The following PLAGL1 variants were observed in gnomAD, a reference collection of about 807,000 sequenced individuals.
The protein encoded by PLAGL1 is zinc finger protein PLAGL1.
A neutral mutation model predicts 4.6 loss-of-function variants in PLAGL1; 1 was observed. The observed-to-expected ratio is 0.22, with a 90% CI of 0.08 to 1.03. The LOEUF (loss-of-function observed/expected upper bound fraction) is 1.03, where lower values mean the gene tolerates loss of function less well. Among genes scored for constraint, PLAGL1 ranks in the 50% least tolerant of loss-of-function variants. The probability of loss-of-function intolerance (pLI) is 0.58; values close to 1 mark genes in which losing one functional copy is unlikely to be tolerated. For missense variants in PLAGL1, 464 were observed against 570.4 expected (o/e 0.81, Z 1.90); for synonymous variants, 240 against 237.8 (o/e 1.01, Z -0.08).
chr6:143,966,205 C>G lies in PLAGL1; in HGVS notation c.-471-7G>C, dbSNP rs554648181. On this transcript the variant is annotated splice_polypyrimidine_tract_variant and splice_region_variant and intron_variant, in intron 3 of 7. Transcript: ENST00000674357. This position sits in a 1 kb window ranked among gnomAD's most constrained non-coding sequence, Gnocchi z 6.0. ...CCCATTAGGTTTCTGTCGACTGCAA[C>G]GAAAAGTCTTGTCTAATCAGAACCA... 6.6e-6 allele frequency: 1 copy of G among 152,108 alleles called. No individual in the cohort carries two copies. The highest frequency in any genetic ancestry group is 1.9e-4 in the East Asian group (1 of 5,198). The allele number at this position is 152,108 out of a possible 1,614,324, so 9.4% of individuals were successfully genotyped here. A position where few individuals can be genotyped will look rare whatever the true frequency, so the allele number is the denominator to read the frequency against.
At position 143,959,144 on chromosome 6, in the gene PLAGL1, G is replaced by C. The variant is rs574998817; in HGVS notation, c.-325+1325C>G. ...TCACAATAAGCCTCAATTTCCCACC[G>C]CTGCCTGCTCGCAGCTCCTCCCCAG... On this transcript the variant is annotated intron_variant, in intron 6 of 7. Coordinates refer to ENST00000674357, the MANE Select transcript of PLAGL1 (RefSeq NM_001317162.2). This position sits in a 1 kb window ranked among gnomAD's most constrained non-coding sequence, Gnocchi z 5.3. Among the ~76,000 whole-genome samples the C allele has an allele frequency of 6.6e-6, 1 of 152,216 alleles. No homozygotes were observed. The highest frequency in any genetic ancestry group is 2.1e-4 in the South Asian group (1 of 4,814).
intron 3 of PLAGL1, chr6:143,967,634 T>G (rs956261252): frequency 6.6e-6 from 1 of 152,200 alleles, no homozygotes; most frequent in South Asian, 2.1e-4. Flanking sequence ...CATGAACTAG[T>G]CCTACAGGTG....
chr6:144,054,803 G>GTGTGTGTGTC (rs1435340068), intron 1 of PLAGL1, among the ~76,000 whole-genome samples: 2 of 151,676 alleles, frequency 1.3e-5, no homozygotes. Flanking sequence ...GTGTGTGTGT[G>GTGTGTGTGTC]TGTGTGTGTG....
At chr6:144,033,474 G>A (rs1038945691) in intron 1 of PLAGL1, among the ~76,000 whole-genome samples, 1 of 152,196 alleles carries the variant, frequency 6.6e-6, no homozygotes, top group Admixed American at 6.5e-5. Context: ...AAACATGATG[G>A]AAAAACCTAG....
chr6:144,029,522 G>T (rs1219181531), intron 1 of PLAGL1, among the ~76,000 whole-genome samples: 2 of 152,218 alleles, frequency 1.3e-5, no homozygotes, highest in Non-Finnish European at 2.9e-5. Context: ...GTGAAGAATA[G>T]AGAGCTAGCT....
intron 1 of PLAGL1, among the ~76,000 whole-genome samples, chr6:144,003,352 C>T (rs1793351780): frequency 6.6e-6 from 1 of 152,068 alleles, no homozygotes; most frequent in Non-Finnish European, 1.5e-5. Flanking sequence ...GGGCTGGGCG[C>T]GGTGGCTCAC....
At position 143,962,749 on chromosome 6, in the gene PLAGL1, C is replaced by T. The variant is rs1583231335; in HGVS notation, c.-399+2038G>A. ...CCAGTTTCAGCTCATTCACTTCTAG[C>T]GACTCCTGGTTTTACTTAAGCAAAT... On this transcript the variant is annotated intron_variant, in intron 5 of 7. Transcript: ENST00000674357. This position sits in a 1 kb window ranked among gnomAD's most constrained non-coding sequence, Gnocchi z 5.3. 6.6e-6 allele frequency among the ~76,000 whole-genome samples: 1 copy of T among 152,170 alleles called. No individual in the cohort carries two copies. The highest frequency in any genetic ancestry group is 1.5e-5 in the Non-Finnish European group (1 of 68,022).
At chr6:143,993,063 C>T (rs1024175319) in intron 1 of PLAGL1, among the ~76,000 whole-genome samples, 4 of 151,290 alleles carry the variant, frequency 2.6e-5, no homozygotes, top group Admixed American at 6.6e-5. Flanking sequence ...AATCCCAGCA[C>T]TTTGGGAGGC....
Position 143,984,502 on chromosome 6 carries a change from G to A in PLAGL1, c.-544+633C>T, listed in dbSNP as rs1386312789. ...CTAAGGAATGAGTATGCCAAGGTAGGTACTATCGGGAAGACTGTATTAGAG... is the reference window on the plus strand; with the variant it reads ...CTAAGGAATGAGTATGCCAAGGTAGATACTATCGGGAAGACTGTATTAGAG... On this transcript the variant is annotated intron_variant, in intron 2 of 7. Coordinates refer to ENST00000674357, the MANE Select transcript of PLAGL1 (RefSeq NM_001317162.2). This position sits in a 1 kb window ranked among gnomAD's most constrained non-coding sequence, Gnocchi z 5.5. 6.6e-6 allele frequency among the ~76,000 whole-genome samples: 1 copy of A among 151,794 alleles called. No individual in the cohort carries two copies. The highest frequency in any genetic ancestry group is 1.5e-5 in the Non-Finnish European group (1 of 67,964).
intron 1 of PLAGL1, among the ~76,000 whole-genome samples, chr6:144,023,897 C>T (rs1404512929): frequency 6.6e-6 from 1 of 150,986 alleles, no homozygotes; most frequent in South Asian, 2.1e-4. Flanking sequence ...GTGCCTCAGC[C>T]TCCAGAGTAG....
At chr6:143,946,618 C>T (rs774674119) in intron 7 of PLAGL1, among the ~76,000 whole-genome samples, 1 of 152,196 alleles carries the variant, frequency 6.6e-6, no homozygotes, top group Non-Finnish European at 1.5e-5. Context: ...TTCTTAAGGG[C>T]CAGGAGCATA....
In PLAGL1 at chr6:144,056,169, T is replaced by TA. The variant is rs894229600; in HGVS notation, c.-151+8298dup. 6.6e-6 allele frequency among the ~76,000 whole-genome samples: 1 copy of TA among 152,046 alleles called. No individual in the cohort carries two copies. The highest frequency in any genetic ancestry group is 1.5e-5 in the Non-Finnish European group (1 of 67,998). ...ATATCTTTTAACACATTCGCTTTTT[T>TA]AAAAAAGCCTATTTTTCAAAGCTGT... On this transcript the variant is annotated intron_variant, in intron 1 of 3. Transcript: ENST00000437412. The surrounding 1 kb of genome is among the most constrained non-coding windows in gnomAD (Gnocchi z 4.7).
intron 1 of PLAGL1, among the ~76,000 whole-genome samples, chr6:144,025,872 G>A (rs1284331494): frequency 6.6e-6 from 1 of 152,128 alleles, no homozygotes; most frequent in African/African-American, 2.4e-5. Context: ...CAGCCTGGGT[G>A]ACAGAGCAAG....
chr6:144,046,623 C>G (rs1243915258), intron 1 of PLAGL1, among the ~76,000 whole-genome samples: 1 of 152,180 alleles, frequency 6.6e-6, no homozygotes, highest in African/African-American at 2.4e-5. Flanking sequence ...GGAGGTGTCT[C>G]CCAGTTAGGC....
In PLAGL1 at chr6:143,973,041, T is replaced by C. The variant is rs1315159284; in HGVS notation, c.-543-4063A>G. ...AATTTCCCAATTCCTCTGTGTTAAATTGAGGTCTAATTTTCCCTGTGCCTG... is the reference window on the plus strand; with the variant it reads ...AATTTCCCAATTCCTCTGTGTTAAACTGAGGTCTAATTTTCCCTGTGCCTG... On this transcript the variant is annotated intron_variant, in intron 2 of 7. Transcript: ENST00000674357. The surrounding 1 kb of genome is among the most constrained non-coding windows in gnomAD (Gnocchi z 6.2). 6.6e-6 allele frequency among the ~76,000 whole-genome samples: 1 copy of C among 152,188 alleles called. No individual in the cohort carries two copies. Among genetic ancestry groups the C allele is most frequent in the East Asian group, 1.9e-4 (1 of 5,200 alleles).
At chr6:144,002,059 T>C (rs1793016581) in intron 1 of PLAGL1, among the ~76,000 whole-genome samples, 1 of 152,220 alleles carries the variant, frequency 6.6e-6, no homozygotes, top group Non-Finnish European at 1.5e-5. Context: ...TCATTAATAC[T>C]ATTGTGCCAA....
intron 1 of PLAGL1, among the ~76,000 whole-genome samples, chr6:144,038,034 G>A (rs1356236914): frequency 6.6e-6 from 1 of 152,192 alleles, no homozygotes; most frequent in Non-Finnish European, 1.5e-5. Flanking sequence ...AGATCTGTGG[G>A]AACAATATCA....
In PLAGL1 at chr6:143,941,854, T is replaced by G; in HGVS notation, c.962A>C (p.Asp321Ala). The change falls in exon 8 of 8, where the codon GAT (aspartate) becomes GCT (alanine). Residue 321 changes from aspartate (D) to alanine (A), a missense_variant. Around this residue, in one of 4 missense-constraint regions of PLAGL1, gnomAD observed 248 missense variants for 250.1 expected, o/e 0.99. Transcript: ENST00000674357. The surrounding 1 kb of genome is among the most constrained non-coding windows in gnomAD (Gnocchi z 6.0). ...SPLASLPLKADTKGFCNISLF... is the reference protein window; with the variant it reads ...SPLASLPLKAATKGFCNISLF... ...ACTGATATTGCAAAAACCTTTAGTA[T>G]CTGCTTTGAGGGGCAGGCTTGCAAG... 6.2e-7 allele frequency: 1 copy of G among 1,614,170 alleles called. No individual in the cohort carries two copies. Among genetic ancestry groups the G allele is most frequent in the Non-Finnish European group, 8.5e-7 (1 of 1,180,022 alleles).
chr6:143,943,559 A>G (rs1389236361), intron 7 of PLAGL1, among the ~76,000 whole-genome samples: 3 of 152,038 alleles, frequency 2.0e-5, no homozygotes, highest in Admixed American at 6.5e-5. Flanking sequence ...CCTTCATTCA[A>G]TGCTTGACTA....
Sources: gnomAD v4.1 joint callset for allele counts (sites outside exome capture counted in the v4.1 genomes callset) on GRCh38, gnomAD v4.1.1 for gene constraint, gnomAD v4.1.1 regional missense constraint, Gnocchi (gnomAD v3.1) non-coding constraint, MANE v1.5 for transcripts, NCBI Gene and HGNC (gene_info 2026-07-23, HGNC 2026-07-21) for gene names.